Variants in ROR1 observed in about 807,000 individuals in gnomAD.
The protein encoded by ROR1 is inactive tyrosine-protein kinase transmembrane receptor ROR1.
A neutral mutation model predicts 78.8 loss-of-function variants in ROR1; 19 were observed. The ratio of observed to expected loss-of-function variants is 0.24; its 90% CI spans 0.17 to 0.35. ROR1 has a LOEUF of 0.35. Ranked by LOEUF, ROR1 falls within the 10% of genes least tolerant of loss-of-function variation. ROR1 has a pLI of 1.00. For synonymous variants in ROR1, 386 were observed against 433.6 expected, an observed-to-expected ratio of 0.89 and a Z score of 1.36; for missense variants, 917 against 1,177.8, an observed-to-expected ratio of 0.78 and a Z score of 3.24.
intron 1 of ROR1, among the ~76,000 whole-genome samples, chr1:63,970,383 A>G (rs905267988): frequency 6.6e-6 from 1 of 152,212 alleles, no homozygotes; most frequent in Non-Finnish European, 1.5e-5. Context: ...ATTAAAAGAT[A>G]AATTTTTGTT....
At chr1:63,909,906 G>A (rs1002675950) in intron 1 of ROR1, among the ~76,000 whole-genome samples, 2 of 152,274 alleles carry the variant, frequency 1.3e-5, no homozygotes, top group South Asian at 2.1e-4. Context: ...AAAAAATATG[G>A]TCTGTTCTCT....
chr1:63,963,617 G>GA (rs1335347941), intron 1 of ROR1, among the ~76,000 whole-genome samples: 3 of 150,870 alleles, frequency 2.0e-5, no homozygotes, highest in African/African-American at 7.3e-5. Context: ...AAGAAAGGAA[G>GA]AAAAAAAAGA....
At chr1:63,962,127 G>A (rs1646034643) in intron 1 of ROR1, among the ~76,000 whole-genome samples, 1 of 152,120 alleles carries the variant, frequency 6.6e-6, no homozygotes, top group Non-Finnish European at 1.5e-5. Flanking sequence ...GGGCATGTTA[G>A]GGTGCATCTA....
chr1:64,142,974 C>T (rs1202449247), intron 7 of ROR1: 5 of 1,121,424 alleles, frequency 4.5e-6, no homozygotes, highest in Admixed American at 4.4e-5. Flanking sequence ...GAATGGTCTG[C>T]GTCCAAGTGG....
At chr1:64,124,327 T>G (rs1648641342) in intron 4 of ROR1, among the ~76,000 whole-genome samples, 1 of 152,194 alleles carries the variant, frequency 6.6e-6, no homozygotes, top group Non-Finnish European at 1.5e-5. Context: ...GCACATTTAT[T>G]GTATTATTGT....
intron 1 of ROR1, among the ~76,000 whole-genome samples, chr1:63,796,267 G>T (rs1644759293): frequency 1.3e-5 from 2 of 152,090 alleles, no homozygotes; most frequent in African/African-American, 2.4e-5. Flanking sequence ...TAGCTGTGTG[G>T]CCCCACACAA....
intron 4 of ROR1, among the ~76,000 whole-genome samples, chr1:64,132,486 G>C (rs190654077): frequency 5.9e-5 from 9 of 152,072 alleles, no homozygotes; most frequent in Non-Finnish European, 2.9e-5. Context: ...GAGACCCGGC[G>C]TGGTGGCTCA....
At chr1:64,045,772 A>G (rs1646778688) in intron 2 of ROR1, among the ~76,000 whole-genome samples, 2 of 152,106 alleles carry the variant, frequency 1.3e-5, no homozygotes, top group South Asian at 2.1e-4. Flanking sequence ...CAGTGTCATC[A>G]TCATCATTAT....
At chr1:64,107,969 A>G (rs1647894011) in intron 4 of ROR1, among the ~76,000 whole-genome samples, 1 of 152,090 alleles carries the variant, frequency 6.6e-6, no homozygotes, top group Non-Finnish European at 1.5e-5. Flanking sequence ...TGGTGAATAA[A>G]TGACATGTTT....
At chr1:63,778,339 G>T (rs575441303) in intron 1 of ROR1, among the ~76,000 whole-genome samples, 85 of 152,158 alleles carry the variant, frequency 5.6e-4, no homozygotes, top group Non-Finnish European at 1.1e-3. Flanking sequence ...TATTTTCCAA[G>T]AAAAGTGTCA....
chr1:64,078,104 G>A (rs1245959639), intron 4 of ROR1, among the ~76,000 whole-genome samples: 1 of 152,204 alleles, frequency 6.6e-6, no homozygotes, highest in Non-Finnish European at 1.5e-5. Context: ...AATAACCATT[G>A]CTACAGTTGA....
chr1:64,160,202 A>G (rs1314533721), intron 8 of ROR1, among the ~76,000 whole-genome samples: 1 of 152,150 alleles, frequency 6.6e-6, no homozygotes, highest in Non-Finnish European at 1.5e-5. Flanking sequence ...TTAGGAAAAA[A>G]AAGTCTTCAC....
At chr1:63,909,539 C>T (rs952869117) in intron 1 of ROR1, among the ~76,000 whole-genome samples, 1 of 152,096 alleles carries the variant, frequency 6.6e-6, no homozygotes, top group Non-Finnish European at 1.5e-5. Flanking sequence ...AGCTATTTTA[C>T]CCTCAACTTG....
chr1:64,027,888 A>G (rs1557616049), intron 2 of ROR1, among the ~76,000 whole-genome samples: 1 of 152,004 alleles, frequency 6.6e-6, no homozygotes, highest in Non-Finnish European at 1.5e-5. Context: ...GGGTTTCACC[A>G]TGTTGGCCAG....
At chr1:63,897,907 G>T (rs887816667) in intron 1 of ROR1, among the ~76,000 whole-genome samples, 2 of 152,192 alleles carry the variant, frequency 1.3e-5, no homozygotes, top group Non-Finnish European at 2.9e-5. Context: ...GACCCAGCCT[G>T]CAGAGGTTCT....
At chr1:63,976,638 G>T (rs1006918399) in intron 1 of ROR1, among the ~76,000 whole-genome samples, 1 of 152,098 alleles carries the variant, frequency 6.6e-6, no homozygotes, top group Admixed American at 6.5e-5. Flanking sequence ...TGGTTTGTCG[G>T]TGTCATCTTT....
chr1:63,912,639 C>T (rs1192055543), intron 1 of ROR1, among the ~76,000 whole-genome samples: 2 of 152,144 alleles, frequency 1.3e-5, no homozygotes, highest in Non-Finnish European at 2.9e-5. Flanking sequence ...GACAGTTAAG[C>T]AGAACATTCA....
intron 1 of ROR1, chr1:63,843,830 T>A (rs922867579): frequency 1.6e-5 from 5 of 307,524 alleles, no homozygotes; most frequent in African/African-American, 6.5e-5. Context: ...TTGCAACAAC[T>A]TTTTAGCTGA....
chr1:63,905,911 C>T (rs1317918835), intron 1 of ROR1, among the ~76,000 whole-genome samples: 1 of 152,066 alleles, frequency 6.6e-6, no homozygotes, highest in Non-Finnish European at 1.5e-5. Context: ...TAATAATTAA[C>T]ATAAAATAAT....
Sources: allele counts gnomAD v4.1 joint callset (sites outside exome capture counted in the v4.1 genomes callset), GRCh38; gene constraint gnomAD v4.1.1; transcripts MANE v1.5; gene names NCBI Gene and HGNC (gene_info 2026-07-23, HGNC 2026-07-21).